KCNMA1: variants seen among roughly 807,000 people sequenced by gnomAD.
KCNMA1 encodes the protein potassium calcium-activated channel subfamily M alpha 1.
In KCNMA1, 29 loss-of-function variants were observed where a neutral mutation model predicts 140.0. That is an observed-to-expected ratio of 0.21 (90% CI 0.15 to 0.28). KCNMA1 has a LOEUF of 0.28. Ranked by LOEUF, KCNMA1 falls within the 10% of genes least tolerant of loss-of-function variation. KCNMA1 has a pLI of 1.00. For missense variants in KCNMA1, 880 were observed against 1,602.2 expected (o/e 0.55, Z 7.70); for synonymous variants, 612 against 611.9 (o/e 1.00, Z 0.00).
chr10:77,587,822 C>T, intron 1 of KCNMA1: 2 of 985,326 alleles, frequency 2.0e-6, no homozygotes, highest in Non-Finnish European at 2.4e-6. Context: ...GTGGAGTTAT[C>T]TCACCGACAG....
chr10:77,114,331 C>T (rs1596260615), intron 6 of KCNMA1, among the ~76,000 whole-genome samples: 1 of 152,200 alleles, frequency 6.6e-6, no homozygotes, highest in East Asian at 1.9e-4. Context: ...ACTGAGTGCA[C>T]TGGTATCTGC....
At chr10:77,435,472 G>A (rs1446665663) in intron 1 of KCNMA1, among the ~76,000 whole-genome samples, 1 of 152,204 alleles carries the variant, frequency 6.6e-6, no homozygotes, top group Non-Finnish European at 1.5e-5. Context: ...AGGGTTAAGA[G>A]ATGTTCAAAC....
At chr10:77,042,242 G>C (rs560704008) in intron 14 of KCNMA1, among the ~76,000 whole-genome samples, 6 of 152,006 alleles carry the variant, frequency 3.9e-5, no homozygotes, top group Non-Finnish European at 7.4e-5. Context: ...ACTGCAATGT[G>C]TTTAGCTAAG....
At chr10:77,171,405 G>A (rs1420670000) in intron 5 of KCNMA1, among the ~76,000 whole-genome samples, 1 of 32,998 alleles carries the variant, frequency 3.0e-5, no homozygotes, top group Non-Finnish European at 4.9e-5. Context: ...GTGTGCGTGT[G>A]TGTGTGTGTG....
At chr10:77,425,782 TG>T (rs904815491) in intron 1 of KCNMA1, among the ~76,000 whole-genome samples, 2 of 152,190 alleles carry the variant, frequency 1.3e-5, no homozygotes, top group Non-Finnish European at 2.9e-5. Context: ...TAAAAATGCA[TG>T]GGTCTCTGCT....
chr10:77,152,928 A>G lies in KCNMA1; in HGVS notation c.808+30493T>C, dbSNP rs532043159. On this transcript the variant is annotated intron_variant, in intron 5 of 27. Transcript: ENST00000286628. ...GACCCTGCACACTGTACCTCCATTCACTGAGGGCTTCCTGCTGTCATGAGA... is the reference window on the plus strand; with the variant it reads ...GACCCTGCACACTGTACCTCCATTCGCTGAGGGCTTCCTGCTGTCATGAGA... 4.6e-5 allele frequency among the ~76,000 whole-genome samples: 7 copies of G among 152,254 alleles called. No homozygotes were observed. In the South Asian group the frequency reaches 1.0e-3, roughly 23 times the overall value.
At chr10:77,587,061 A>G (rs2077451078) in intron 1 of KCNMA1, 2 of 152,202 alleles carry the variant, frequency 1.3e-5, no homozygotes, top group South Asian at 4.1e-4. Context: ...CTGCGGCCAT[A>G]CCACCCTGGA....
chr10:77,148,601 G>T (rs2098357960), intron 5 of KCNMA1, among the ~76,000 whole-genome samples: 1 of 152,178 alleles, frequency 6.6e-6, no homozygotes, highest in Non-Finnish European at 1.5e-5. Context: ...ATTAGCACCA[G>T]GATCAACCTG....
At chr10:77,214,863 G>A (rs1200970544) in intron 3 of KCNMA1, among the ~76,000 whole-genome samples, 2 of 151,528 alleles carry the variant, frequency 1.3e-5, no homozygotes, top group African/African-American at 4.9e-5. Flanking sequence ...CTAAATGTTG[G>A]GCATCCTCTT....
Position 77,017,382 on chromosome 10 carries a change from G to A in KCNMA1, c.2015+1631C>T, listed in dbSNP as rs548099513. ...TCCAGGAGACCTGATTGGAGCACAG[G>A]GAGAGGGAAGGTTCAGTCCCATTAA... On this transcript the variant is annotated intron_variant, in intron 17 of 27. Transcript: ENST00000286628. 4.6e-5 allele frequency among the ~76,000 whole-genome samples: 7 copies of A among 152,262 alleles called. No homozygotes were observed. In the South Asian group the frequency reaches 1.5e-3, roughly 32 times the overall value.
chr10:77,496,236 G>T (rs1416274491), intron 1 of KCNMA1, among the ~76,000 whole-genome samples: 2 of 152,124 alleles, frequency 1.3e-5, no homozygotes, highest in Non-Finnish European at 2.9e-5. Context: ...CCAGGTGCGG[G>T]TCTTCAAGAT....
intron 1 of KCNMA1, among the ~76,000 whole-genome samples, chr10:77,575,951 C>T (rs549359475): frequency 1.3e-5 from 2 of 152,314 alleles, no homozygotes; most frequent in African/African-American, 2.4e-5. Context: ...TGCTACTGGT[C>T]CAGAGAGGAA....
intron 2 of KCNMA1, among the ~76,000 whole-genome samples, chr10:77,291,077 A>T (rs2073073491): frequency 6.6e-6 from 1 of 152,184 alleles, no homozygotes; most frequent in African/African-American, 2.4e-5. Context: ...CACGCTACAC[A>T]TGAGCCCTCC....
At chr10:77,519,028 T>C (rs1257825373) in intron 1 of KCNMA1, among the ~76,000 whole-genome samples, 1 of 152,240 alleles carries the variant, frequency 6.6e-6, no homozygotes, top group Admixed American at 6.5e-5. Context: ...TACAATTTCA[T>C]CTTCCATATA....
chr10:77,351,829 C>T (rs569355727), intron 2 of KCNMA1, among the ~76,000 whole-genome samples: 2 of 152,282 alleles, frequency 1.3e-5, no homozygotes, highest in South Asian at 4.1e-4. Context: ...CAGCAAACAC[C>T]ATCCTGATAG....
chr10:77,323,295 T>A (rs746024296), intron 2 of KCNMA1, among the ~76,000 whole-genome samples: 2 of 152,092 alleles, frequency 1.3e-5, no homozygotes, highest in Non-Finnish European at 2.9e-5. Flanking sequence ...AAGCAATAGG[T>A]CCCCTCATTT....
chr10:77,337,514 G>C lies in KCNMA1; in HGVS notation c.540+66348C>G, dbSNP rs139033067. On this transcript the variant is annotated intron_variant, in intron 2 of 27. Coordinates refer to ENST00000286628, the MANE Select transcript of KCNMA1 (RefSeq NM_001161352.2). ...GCACACCTGAAATCCCAGCTACTCG[G>C]GAGGTTGAGGCAGGAGACTCGCTTG... is the stretch of plus-strand genomic sequence containing the variant. Among the ~76,000 whole-genome samples, 308 of 152,302 alleles carry C rather than the reference G, an allele frequency of 2.0e-3. 1 individual carries two copies. The highest frequency in any genetic ancestry group is 6.9e-3 in the African/African-American group (287 of 41,554).
At chr10:77,385,295 A>C (rs1379161037) in intron 2 of KCNMA1, among the ~76,000 whole-genome samples, 1 of 152,244 alleles carries the variant, frequency 6.6e-6, no homozygotes, top group Non-Finnish European at 1.5e-5. Flanking sequence ...AGCCCAGCAC[A>C]GGACAAAGAG....
At position 76,891,729 on chromosome 10, in the gene KCNMA1, G is replaced by C. The variant is rs200312096; in HGVS notation, c.3148-10C>G. ...TGTCATTGAAGTACGTCTGGGGAAG[G>C]AGAGAAAGTGAGGGAAAAGTCCTTT... is the stretch of plus-strand genomic sequence containing the variant. On this transcript the variant is annotated splice_polypyrimidine_tract_variant and intron_variant, in intron 25 of 27. Transcript: ENST00000286628. The C allele has an allele frequency of 1.2e-6, 2 of 1,610,496 alleles. No individual in the cohort carries two copies. The highest frequency in any genetic ancestry group is 2.7e-5 in the African/African-American group (2 of 74,870).
Sources: gnomAD v4.1 joint callset for allele counts (sites outside exome capture counted in the v4.1 genomes callset) on GRCh38, gnomAD v4.1.1 for gene constraint, MANE v1.5 for transcripts, NCBI Gene and HGNC (gene_info 2026-07-23, HGNC 2026-07-21) for gene names.